PCSK6: variants seen among roughly 807,000 people sequenced by gnomAD.
The protein encoded by PCSK6 is proprotein convertase subtilisin/kexin type 6, also known as paired basic amino acid cleaving enzyme 4.
PCSK6 carries 85 observed loss-of-function variants against 123.3 expected under a neutral mutation model. The observed-to-expected ratio is 0.69, with a 90% confidence interval of 0.58 to 0.83. PCSK6 has a LOEUF of 0.83. Among genes scored for constraint, PCSK6 ranks in the 40% least tolerant of loss-of-function variants. PCSK6 has a pLI of 0.00. For synonymous variants in PCSK6, 508 were observed against 516.0 expected (o/e 0.98, Z 0.21); for missense variants, 1,191 against 1,282.3 (o/e 0.93, Z 1.09).
chr15:101,377,918 G>A (rs7182168), intron 11 of PCSK6, among the ~76,000 whole-genome samples: 3,790 of 152,300 alleles, frequency 0.025, 143 homozygotes, highest in African/African-American at 0.086. Flanking sequence ...AACTAAAGAC[G>A]TGCAGGTAAG....
At chr15:101,451,624 G>C (rs985377550) in intron 1 of PCSK6, among the ~76,000 whole-genome samples, 39 of 152,220 alleles carry the variant, frequency 2.6e-4, no homozygotes, top group Admixed American at 9.1e-4. Context: ...TCCAAACCCC[G>C]TCCGCTCCGC....
At chr15:101,450,277 G>T (rs1408815962) in intron 1 of PCSK6, among the ~76,000 whole-genome samples, 4 of 151,840 alleles carry the variant, frequency 2.6e-5, no homozygotes, top group Admixed American at 1.3e-4. Context: ...GACCAGCCAG[G>T]ACCCCTCTCC....
At chr15:101,472,602 C>G (rs2057633745) in intron 1 of PCSK6, among the ~76,000 whole-genome samples, 1 of 152,164 alleles carries the variant, frequency 6.6e-6, no homozygotes, top group African/African-American at 2.4e-5. Context: ...CACTGAGACT[C>G]CACTGAGGAG....
chr15:101,325,319 G>C (rs1373399308), intron 16 of PCSK6, among the ~76,000 whole-genome samples: 4 of 152,198 alleles, frequency 2.6e-5, no homozygotes, highest in Non-Finnish European at 5.9e-5. Context: ...CGTGAGGTTC[G>C]TATTTGACTT....
At chr15:101,314,682 A>G (rs565990403) in intron 19 of PCSK6, among the ~76,000 whole-genome samples, 22 of 152,296 alleles carry the variant, frequency 1.4e-4, no homozygotes, top group Non-Finnish European at 2.8e-4. Context: ...CTGCAGGAGA[A>G]GCTCCTCCTT....
chr15:101,449,173 G>A (rs1211525944), intron 1 of PCSK6, among the ~76,000 whole-genome samples: 1 of 152,138 alleles, frequency 6.6e-6, no homozygotes, highest in Admixed American at 6.5e-5. Flanking sequence ...CATCATATTT[G>A]CATACAACCT....
chr15:101,376,009 G>A (rs1274530121), intron 11 of PCSK6, among the ~76,000 whole-genome samples: 1 of 152,164 alleles, frequency 6.6e-6, no homozygotes, highest in Non-Finnish European at 1.5e-5. Flanking sequence ...ACTCCAGCCT[G>A]GGTAACAGAG....
At chr15:101,427,476 C>T (rs954162729) in intron 6 of PCSK6, among the ~76,000 whole-genome samples, 9 of 152,150 alleles carry the variant, frequency 5.9e-5, no homozygotes, top group Non-Finnish European at 1.3e-4. Context: ...GAGAAGTGGG[C>T]CAGCAGGCTT....
intron 1 of PCSK6, among the ~76,000 whole-genome samples, chr15:101,480,576 C>T (rs952206582): frequency 7.9e-5 from 12 of 152,176 alleles, no homozygotes; most frequent in African/African-American, 1.2e-4. Flanking sequence ...GGGGGCCTTG[C>T]GCCTGCTGCT....
chr15:101,379,724 G>C lies in PCSK6; in HGVS notation c.1532+2368C>G, dbSNP rs147164644. Among the ~76,000 whole-genome samples, 160 of 152,358 alleles carry C rather than the reference G, an allele frequency of 1.1e-3. 1 individual carries two copies. The highest frequency in any genetic ancestry group is 3.7e-3 in the African/African-American group (155 of 41,588). On this transcript the variant is annotated intron_variant, in intron 11 of 21. Transcript: ENST00000611716. ...GAAGAAGACGGGAAAATGGCTGTGT[G>C]GGAACGCTTCCTTTTCATTTTCGGC...
chr15:101,468,922 A>C, intron 1 of PCSK6, among the ~76,000 whole-genome samples: 1 of 152,224 alleles, frequency 6.6e-6, no homozygotes, highest in Admixed American at 6.5e-5. Flanking sequence ...TGATTGTTGC[A>C]ATCATATTTT....
intron 1 of PCSK6, among the ~76,000 whole-genome samples, chr15:101,484,751 C>CT (rs2057979189): frequency 6.6e-6 from 1 of 152,186 alleles, no homozygotes; most frequent in African/African-American, 2.4e-5. Flanking sequence ...TACAATTTGC[C>CT]TTTTTTCTCT....
At chr15:101,322,968 A>G (rs1204855511) in intron 17 of PCSK6, among the ~76,000 whole-genome samples, 1 of 152,204 alleles carries the variant, frequency 6.6e-6, no homozygotes, top group African/African-American at 2.4e-5. Flanking sequence ...GGAGAGCCTG[A>G]GGCTGCCGCT....
chr15:101,341,248 G>GTTTTTTTTTTTT, intron 13 of PCSK6, among the ~76,000 whole-genome samples: 1 of 129,642 alleles, frequency 7.7e-6, no homozygotes, highest in Non-Finnish European at 1.6e-5. Context: ...AAAGTGTGGG[G>GTTTTTTTTTTTT]TTTTTTTTTT....
intron 15 of PCSK6, among the ~76,000 whole-genome samples, chr15:101,327,232 C>T (rs969284796): frequency 1.3e-5 from 2 of 152,150 alleles, no homozygotes; most frequent in Non-Finnish European, 2.9e-5. Flanking sequence ...ACTCCGGAGG[C>T]TGGTGTGTTG....
chr15:101,323,516 A>C (rs1336616640), intron 17 of PCSK6, among the ~76,000 whole-genome samples: 1 of 152,224 alleles, frequency 6.6e-6, no homozygotes, highest in African/African-American at 2.4e-5. Flanking sequence ...GGATCATTTG[A>C]GGTCAGGAGT....
At chr15:101,448,091 T>A (rs954249936) in intron 1 of PCSK6, among the ~76,000 whole-genome samples, 3 of 152,252 alleles carry the variant, frequency 2.0e-5, no homozygotes, top group African/African-American at 7.2e-5. Flanking sequence ...TTTAAATACG[T>A]TCTTGTTCTC....
At chr15:101,356,275 C>A (rs1480461606) in intron 13 of PCSK6, among the ~76,000 whole-genome samples, 7 of 152,098 alleles carry the variant, frequency 4.6e-5, no homozygotes, top group Admixed American at 2.0e-4. Flanking sequence ...AGCTCACCCA[C>A]GGTGGAAGCT....
chr15:101,321,916 A>G (rs976420320), intron 18 of PCSK6, among the ~76,000 whole-genome samples: 1 of 152,292 alleles, frequency 6.6e-6, no homozygotes, highest in African/African-American at 2.4e-5. Context: ...TCGGAGGAAC[A>G]GGTAATGTAT....
Sources: allele counts gnomAD v4.1 joint callset (sites outside exome capture counted in the v4.1 genomes callset), GRCh38; gene constraint gnomAD v4.1.1; transcripts MANE v1.5; gene names NCBI Gene and HGNC (gene_info 2026-07-23, HGNC 2026-07-21).